FOCAD: variants seen among roughly 807,000 people sequenced by gnomAD.
FOCAD encodes the protein KIAA1797.
FOCAD carries 198 observed loss-of-function variants against 225.6 expected under a neutral mutation model. The observed-to-expected ratio is 0.88, with a 90% CI of 0.78 to 0.99. The LOEUF (loss-of-function observed/expected upper bound fraction) is 0.99, where lower values mean the gene tolerates loss of function less well. FOCAD is among the 50% of genes least tolerant of loss of function. The probability of loss-of-function intolerance (pLI) is 0.00; values close to 1 mark genes in which losing one functional copy is unlikely to be tolerated. For missense variants in FOCAD, 2,713 were observed against 2,123.6 expected, an observed-to-expected ratio of 1.28 and a Z score of -5.46; for synonymous variants, 897 against 755.0, an observed-to-expected ratio of 1.19 and a Z score of -3.08.
intron 11 of FOCAD, among the ~76,000 whole-genome samples, chr9:20,809,967 A>T (rs998018359): frequency 6.6e-6 from 1 of 152,190 alleles, no homozygotes; most frequent in Admixed American, 6.5e-5. Context: ...ATGTGGAATG[A>T]TCCTGGTTTG....
intron 11 of FOCAD, among the ~76,000 whole-genome samples, chr9:20,790,080 A>C (rs1331260468): frequency 6.6e-6 from 1 of 152,222 alleles, no homozygotes; most frequent in Non-Finnish European, 1.5e-5. Flanking sequence ...TAGCTAAAAA[A>C]TATTGACTCT....
intron 28 of FOCAD, among the ~76,000 whole-genome samples, chr9:20,941,265 T>A (rs567284479): frequency 4.6e-5 from 7 of 152,342 alleles, no homozygotes; most frequent in African/African-American, 1.7e-4. Flanking sequence ...AAGATTTTAC[T>A]GCCATCTAGT....
At chr9:20,795,846 G>A (rs10964705) in intron 11 of FOCAD, among the ~76,000 whole-genome samples, 29,322 of 135,618 alleles carry the variant, frequency 0.22, 3,236 homozygotes, top group Non-Finnish European at 0.26. Flanking sequence ...TTTATTTTTT[G>A]TTATACTTTA....
At position 20,880,485 on chromosome 9, in the gene FOCAD, C is replaced by T. The variant is rs929247463; in HGVS notation, c.2318-1386C>T. Reference sequence around the variant, plus strand: ...CAGTGACTCCAGTGGTTGAAACCAACCAGAAGCCAGAGGACATGGGAGCCT... The same window carrying T: ...CAGTGACTCCAGTGGTTGAAACCAATCAGAAGCCAGAGGACATGGGAGCCT... On this transcript the variant is annotated intron_variant, in intron 19 of 43. Transcript: ENST00000338382. 2.0e-5 allele frequency among the ~76,000 whole-genome samples: 3 copies of T among 152,282 alleles called. No homozygotes were observed. The East Asian group carries it at 5.8e-4, about 29-fold the overall frequency.
At chr9:20,891,468 TA>T (rs1296487512) in intron 21 of FOCAD, among the ~76,000 whole-genome samples, 13 of 152,352 alleles carry the variant, frequency 8.5e-5, no homozygotes, top group African/African-American at 2.6e-4. Flanking sequence ...TTAAATGTGC[TA>T]CTCCAGTGAA....
intron 35 of FOCAD, among the ~76,000 whole-genome samples, chr9:20,953,508 T>G (rs1301987980): frequency 1.3e-5 from 2 of 152,180 alleles, no homozygotes; most frequent in Non-Finnish European, 2.9e-5. Flanking sequence ...TAGTTCCTAT[T>G]TTTAGTTTGT....
chr9:20,806,380 C>T (rs192901440), intron 11 of FOCAD, among the ~76,000 whole-genome samples: 9 of 152,128 alleles, frequency 5.9e-5, no homozygotes, highest in African/African-American at 1.7e-4. Context: ...TTGTTCAGCC[C>T]AAGGTTGTTA....
chr9:20,861,508 A>G (rs902178253), intron 15 of FOCAD, among the ~76,000 whole-genome samples: 3 of 152,194 alleles, frequency 2.0e-5, no homozygotes, highest in Non-Finnish European at 2.9e-5. Flanking sequence ...TTATTATTCT[A>G]CTGTTTCACA....
At chr9:20,760,040 G>A (rs1829433231) in intron 6 of FOCAD, among the ~76,000 whole-genome samples, 1 of 152,158 alleles carries the variant, frequency 6.6e-6, no homozygotes, top group African/African-American at 2.4e-5. Context: ...CTGGTTCAGG[G>A]CCTCAATATC....
chr9:20,792,742 A>G (rs998400429), intron 11 of FOCAD, among the ~76,000 whole-genome samples: 4 of 152,158 alleles, frequency 2.6e-5, no homozygotes, highest in African/African-American at 7.2e-5. Context: ...ATTTTTTTCC[A>G]TGTGTAAAAG....
intron 5 of FOCAD, among the ~76,000 whole-genome samples, chr9:20,748,170 A>C (rs1371852184): frequency 6.6e-6 from 1 of 152,128 alleles, no homozygotes. Context: ...AAGCTGCCAT[A>C]AGGGATTGAA....
intron 30 of FOCAD, among the ~76,000 whole-genome samples, chr9:20,947,187 A>G (rs868016720): frequency 1.3e-5 from 2 of 152,212 alleles, no homozygotes; most frequent in Non-Finnish European, 2.9e-5. Flanking sequence ...AGTCTCTGAT[A>G]AAGTCAAACT....
In FOCAD at chr9:20,948,350, G is replaced by C. The variant is rs1026657127; in HGVS notation, c.3755G>C (p.Gly1252Ala). 1.6e-5 allele frequency: 26 copies of C among 1,612,528 alleles called. No individual in the cohort carries two copies. The highest frequency in any genetic ancestry group is 2.1e-5 in the Non-Finnish European group (25 of 1,179,000). The change falls in exon 31 of 44, where the codon GGC becomes GCC. Residue 1252 changes from glycine (G) to alanine (A), a missense_variant. Physicochemically the swap from Gly to Ala is moderately conservative, Grantham distance 60. Transcript: ENST00000338382. The stretch of plus-strand genomic sequence containing the variant: ...GGACATGGAAAAGCTGAAGACTTGG[G>C]CAGCAAACTACTCCCTGCCTGGATC... The part of the protein sequence containing the change: ...VCGHGKAEDL[G>A]SKLLPAWIRI...
chr9:20,946,894 TG>T, intron 30 of FOCAD, 74 bp downstream of exon 30: 3 of 1,564,084 alleles, frequency 1.9e-6, no homozygotes, highest in South Asian at 1.2e-5. Context: ...TGACTTACTC[TG>T]AATTAGAGTA....
intron 11 of FOCAD, among the ~76,000 whole-genome samples, chr9:20,800,714 C>G (rs1821713940): frequency 6.6e-6 from 1 of 152,062 alleles, no homozygotes; most frequent in African/African-American, 2.4e-5. Context: ...CCTTTAAGGA[C>G]TTCTCTGCTT....
At chr9:20,663,422 A>G (rs1330268075) in intron 2 of FOCAD, among the ~76,000 whole-genome samples, 4 of 151,884 alleles carry the variant, frequency 2.6e-5, no homozygotes, top group Non-Finnish European at 5.9e-5. Context: ...CCTTAACGAA[A>G]TATTTCTATC....
At chr9:20,828,493 A>G (rs1825142404) in intron 15 of FOCAD, among the ~76,000 whole-genome samples, 2 of 152,048 alleles carry the variant, frequency 1.3e-5, no homozygotes, top group African/African-American at 4.8e-5. Context: ...CTGTTTAACC[A>G]TTTGAGGAAC....
At chr9:20,925,993 C>G (rs965755183) in intron 25 of FOCAD, among the ~76,000 whole-genome samples, 1 of 152,208 alleles carries the variant, frequency 6.6e-6, no homozygotes, top group African/African-American at 2.4e-5. Flanking sequence ...ATTATCTTCA[C>G]TATAATTCAT....
chr9:20,874,867 G>A (rs1830104727), intron 19 of FOCAD, 60 bp downstream of exon 19: 1 of 1,597,560 alleles, frequency 6.3e-7, no homozygotes, highest in East Asian at 2.2e-5. Context: ...TTGTCTGATT[G>A]TATTCTTTTG....
Sources: gnomAD v4.1 joint callset for allele counts (sites outside exome capture counted in the v4.1 genomes callset) on GRCh38, gnomAD v4.1.1 for gene constraint, MANE v1.5 for transcripts, NCBI Gene and HGNC (gene_info 2026-07-23, HGNC 2026-07-21) for gene names.